The following CSMD1 variants were observed in gnomAD, a reference collection of about 807,000 sequenced individuals.
CSMD1 encodes CUB and sushi domain-containing protein 1.
A neutral mutation model predicts 417.5 loss-of-function variants in CSMD1; 213 were observed. That is an observed-to-expected ratio of 0.51 (90% CI 0.46 to 0.57). CSMD1 has a LOEUF of 0.57. Among genes scored for constraint, CSMD1 ranks in the 20% least tolerant of loss-of-function variants. The pLI is 0.00. For missense variants in CSMD1, 6,923 were observed against 4,529.7 expected (o/e 1.53, Z -15.17); for synonymous variants, 2,862 against 1,736.8 (o/e 1.65, Z -16.11).
chr8:2,940,199 G>C (rs1024448003), intron 69 of CSMD1, among the ~76,000 whole-genome samples: 1 of 152,192 alleles, frequency 6.6e-6, no homozygotes, highest in Non-Finnish European at 1.5e-5. Context: ...GTGAGAACTT[G>C]AAGAAAATGG....
At chr8:4,448,665 A>G (rs1256830228) in intron 2 of CSMD1, among the ~76,000 whole-genome samples, 1 of 152,140 alleles carries the variant, frequency 6.6e-6, no homozygotes, top group African/African-American at 2.4e-5. Context: ...TCAACATCTG[A>G]CTTTCTTCTC....
At chr8:4,978,208 C>G (rs1417016913) in intron 1 of CSMD1, among the ~76,000 whole-genome samples, 1 of 152,112 alleles carries the variant, frequency 6.6e-6, no homozygotes, top group Non-Finnish European at 1.5e-5. Flanking sequence ...CTTGGGATCT[C>G]ACAGATAGAG....
intron 6 of CSMD1, among the ~76,000 whole-genome samples, chr8:3,749,650 A>G (rs1797229821): frequency 6.6e-6 from 1 of 152,236 alleles, no homozygotes; most frequent in South Asian, 2.1e-4. Flanking sequence ...CAAGCATCAT[A>G]CGCTGGAAAA....
chr8:3,156,112 C>A (rs532153170), intron 39 of CSMD1, among the ~76,000 whole-genome samples: 1 of 152,184 alleles, frequency 6.6e-6, no homozygotes, highest in Non-Finnish European at 1.5e-5. Context: ...GTGAATAGCT[C>A]CCAGGACAAT....
chr8:4,110,452 C>G (rs1318190626), intron 3 of CSMD1, among the ~76,000 whole-genome samples: 1 of 152,106 alleles, frequency 6.6e-6, no homozygotes, highest in Admixed American at 6.5e-5. Flanking sequence ...TCCTTTAAGC[C>G]AGATCCCTCT....
chr8:4,560,000 G>C (rs562775557), intron 2 of CSMD1, among the ~76,000 whole-genome samples: 5 of 152,330 alleles, frequency 3.3e-5, no homozygotes, highest in East Asian at 1.9e-4. Flanking sequence ...TGTGCTTCAA[G>C]AGAAACTGTG....
intron 5 of CSMD1, among the ~76,000 whole-genome samples, chr8:3,905,790 C>T (rs1808067312): frequency 6.6e-6 from 1 of 152,166 alleles, no homozygotes; most frequent in South Asian, 2.1e-4. Context: ...AATTCTTCAC[C>T]ACCCTCTACT....
chr8:4,605,353 G>C (rs547892874), intron 2 of CSMD1, among the ~76,000 whole-genome samples: 1 of 152,158 alleles, frequency 6.6e-6, no homozygotes, highest in East Asian at 1.9e-4. Flanking sequence ...AATTATCTAT[G>C]AGCAAAGAGA....
chr8:4,888,365 T>A (rs1803887852), intron 1 of CSMD1, among the ~76,000 whole-genome samples: 1 of 152,020 alleles, frequency 6.6e-6, no homozygotes, highest in African/African-American at 2.4e-5. Context: ...TTTCCTTTTT[T>A]AAAAAATGAG....
At chr8:4,931,915 G>C (rs1275245260) in intron 1 of CSMD1, among the ~76,000 whole-genome samples, 1 of 152,052 alleles carries the variant, frequency 6.6e-6, no homozygotes, top group South Asian at 2.1e-4. Flanking sequence ...AATGTCCCTT[G>C]GACATTAAGA....
At chr8:4,701,134 G>A (rs374951114) in intron 1 of CSMD1, among the ~76,000 whole-genome samples, 3 of 151,894 alleles carry the variant, frequency 2.0e-5, no homozygotes, top group South Asian at 2.1e-4. Flanking sequence ...TCAAAAATTC[G>A]TTTTTTACAC....
At chr8:3,645,816 G>A (rs1797545544) in intron 7 of CSMD1, among the ~76,000 whole-genome samples, 1 of 152,190 alleles carries the variant, frequency 6.6e-6, no homozygotes, top group South Asian at 2.1e-4. Flanking sequence ...CTATTCAAAT[G>A]ACACTGGGCT....
In CSMD1 at chr8:4,373,456, C is replaced by T. The variant is rs544965684; in HGVS notation, c.415+46497G>A. Among the ~76,000 whole-genome samples the T allele has an allele frequency of 3.3e-5, 5 of 152,280 alleles. No homozygotes were observed. The South Asian group carries it at 1.0e-3, about 32-fold the overall frequency. On this transcript the variant is annotated intron_variant, in intron 3 of 69. Transcript: ENST00000635120. Reference sequence around the variant, plus strand: ...AGTATTTGAAAACACTGCAATATCTCTGAAATGTTCCCATAAATCTAAAAC... The same window carrying T: ...AGTATTTGAAAACACTGCAATATCTTTGAAATGTTCCCATAAATCTAAAAC...
intron 5 of CSMD1, among the ~76,000 whole-genome samples, chr8:3,969,740 T>C (rs1194726777): frequency 6.6e-6 from 1 of 152,138 alleles, no homozygotes; most frequent in Non-Finnish European, 1.5e-5. Flanking sequence ...CATGTGTAGA[T>C]GCCACAGAGG....
intron 3 of CSMD1, among the ~76,000 whole-genome samples, chr8:4,039,962 A>T (rs542861084): frequency 5.3e-5 from 8 of 152,254 alleles, no homozygotes; most frequent in Admixed American, 1.3e-4. Context: ...AATTGTAAAA[A>T]GATATCACAA....
intron 1 of CSMD1, among the ~76,000 whole-genome samples, chr8:4,899,369 T>C (rs760090129): frequency 2.0e-5 from 3 of 152,154 alleles, no homozygotes; most frequent in Non-Finnish European, 4.4e-5. Flanking sequence ...AAAATAAAGA[T>C]GAAATATACT....
chr8:3,260,206 G>T (rs879616615), intron 26 of CSMD1, among the ~76,000 whole-genome samples: 1 of 152,088 alleles, frequency 6.6e-6, no homozygotes, highest in Non-Finnish European at 1.5e-5. Context: ...TCCTCACCCT[G>T]AATTGAACTC....
intron 1 of CSMD1, among the ~76,000 whole-genome samples, chr8:4,760,741 G>A (rs990248663): frequency 6.6e-6 from 1 of 151,932 alleles, no homozygotes. Context: ...TTAAGTTTGG[G>A]GAAAGTATTT....
intron 3 of CSMD1, among the ~76,000 whole-genome samples, chr8:4,121,307 G>A (rs1430403401): frequency 3.3e-5 from 5 of 152,024 alleles, no homozygotes; most frequent in South Asian, 2.1e-4. Flanking sequence ...TAGAGACACC[G>A]TTCCACCATG....
Sources: allele counts gnomAD v4.1 joint callset (sites outside exome capture counted in the v4.1 genomes callset), GRCh38; gene constraint gnomAD v4.1.1; transcripts MANE v1.5; gene names NCBI Gene and HGNC (gene_info 2026-07-23, HGNC 2026-07-21).